NBEA: variants seen among roughly 807,000 people sequenced by gnomAD.
The protein encoded by NBEA is lysosomal-trafficking regulator 2.
Under a neutral mutation model 343.4 loss-of-function variants are expected in NBEA, and 44 were observed. The ratio of observed to expected loss-of-function variants is 0.13; its 90% confidence interval spans 0.10 to 0.16. NBEA has a LOEUF of 0.16. Ranked by LOEUF, NBEA falls within the 10% of genes least tolerant of loss-of-function variation. NBEA has a pLI of 1.00. For synonymous variants in NBEA, 1,175 were observed against 1,238.7 expected (o/e 0.95, Z 1.08); for missense variants, 2,555 against 3,631.3 (o/e 0.70, Z 7.62).
At chr13:35,199,868 G>T (rs1456093252) in intron 31 of NBEA, among the ~76,000 whole-genome samples, 2 of 151,880 alleles carry the variant, frequency 1.3e-5, no homozygotes, top group Non-Finnish European at 2.9e-5. Flanking sequence ...TACATATAAG[G>T]AAAGTACTGA....
At chr13:35,257,036 C>A (rs974093863) in intron 34 of NBEA, among the ~76,000 whole-genome samples, 1 of 152,192 alleles carries the variant, frequency 6.6e-6, no homozygotes, top group Non-Finnish European at 1.5e-5. Context: ...ATGCCTCCCC[C>A]ACTGCAGTTG....
chr13:35,177,056 C>G lies in NBEA; in HGVS notation c.4615C>G (p.Gln1539Glu). The change falls in exon 28 of 59, where the codon CAG becomes GAG. Residue 1539 changes from glutamine to glutamate, a missense_variant. Physicochemically the swap from Gln to Glu is conservative, Grantham distance 29. Coordinates refer to ENST00000379939, the MANE Select transcript of NBEA (RefSeq NM_001385012.1). The stretch of plus-strand genomic sequence containing the variant: ...TATTAAGGATCCGGATAGACTTCTT[C>G]AGGATGTTGATATCAATCGCCTTCG... ...SPIKDPDRLL[Q>E]DVDINRLRAV... The G allele has an allele frequency of 6.2e-7, 1 of 1,605,924 alleles. No homozygotes were observed. The highest frequency in any genetic ancestry group is 8.5e-7 in the Non-Finnish European group (1 of 1,175,492).
chr13:35,579,602 G>A lies in NBEA; in HGVS notation c.7036-4296G>A, dbSNP rs184829163. Reference sequence around the variant, plus strand: ...AGAATGTTTCAAGGTACAATCTAAGGTATTGCATCTAAACAGTTGTTTTAA... The same window carrying A: ...AGAATGTTTCAAGGTACAATCTAAGATATTGCATCTAAACAGTTGTTTTAA... On this transcript the variant is annotated intron_variant, in intron 45 of 58. Coordinates refer to ENST00000379939, the MANE Select transcript of NBEA (RefSeq NM_001385012.1). Among the ~76,000 whole-genome samples the A allele has an allele frequency of 4.6e-3, 704 of 152,096 alleles. 6 individuals carry two copies. The highest frequency in any genetic ancestry group is 8.5e-3 in the Admixed American group (130 of 15,268).
intron 38 of NBEA, among the ~76,000 whole-genome samples, chr13:35,413,985 G>A (rs147240634): frequency 6.6e-6 from 1 of 152,122 alleles, no homozygotes; most frequent in Non-Finnish European, 1.5e-5. Flanking sequence ...GGTGTAGCAT[G>A]AGTACCCATG....
At chr13:35,398,805 T>G (rs1319491704) in intron 38 of NBEA, among the ~76,000 whole-genome samples, 1 of 152,206 alleles carries the variant, frequency 6.6e-6, no homozygotes, top group South Asian at 2.1e-4. Flanking sequence ...GAGCTTTGGC[T>G]TCAACTTCAA....
chr13:35,278,184 A>T (rs772574138), intron 34 of NBEA, among the ~76,000 whole-genome samples: 3 of 149,792 alleles, frequency 2.0e-5, no homozygotes, highest in Admixed American at 6.7e-5. Context: ...ACAGTAGTGT[A>T]CAACAAGCAT....
At chr13:35,470,890 T>C (rs1013805867) in intron 40 of NBEA, among the ~76,000 whole-genome samples, 6 of 152,168 alleles carry the variant, frequency 3.9e-5, no homozygotes, top group Middle Eastern at 3.2e-3. Flanking sequence ...TAGATTAAGA[T>C]TGATGATCCT....
chr13:35,322,023 C>T (rs1594210185), intron 36 of NBEA, among the ~76,000 whole-genome samples: 1 of 152,188 alleles, frequency 6.6e-6, no homozygotes, highest in East Asian at 1.9e-4. Context: ...TGGATCTTAG[C>T]TTGCTGAGCT....
At chr13:35,053,409 C>A (rs1415290849) in intron 6 of NBEA, among the ~76,000 whole-genome samples, 2 of 152,058 alleles carry the variant, frequency 1.3e-5, no homozygotes, top group Non-Finnish European at 2.9e-5. Flanking sequence ...TTTCATCCTT[C>A]AAGCTTAGTC....
intron 1 of NBEA, among the ~76,000 whole-genome samples, chr13:34,974,245 ATTTAC>A (rs2060092879): frequency 6.6e-6 from 1 of 151,970 alleles, no homozygotes; most frequent in East Asian, 1.9e-4. Flanking sequence ...AAGGTACTGT[ATTTAC>A]TTGCCCCTTT....
intron 45 of NBEA, among the ~76,000 whole-genome samples, chr13:35,569,175 C>T (rs948129639): frequency 6.6e-6 from 1 of 152,138 alleles, no homozygotes; most frequent in Non-Finnish European, 1.5e-5. Flanking sequence ...CTACTACATA[C>T]ATATTGGATG....
chr13:35,425,923 A>C (rs540028835), intron 38 of NBEA, among the ~76,000 whole-genome samples: 1 of 151,856 alleles, frequency 6.6e-6, no homozygotes, highest in African/African-American at 2.4e-5. Flanking sequence ...GTCTCTTTTG[A>C]TCTTTGTTGG....
At chr13:35,568,068 A>G (rs1346819649) in intron 45 of NBEA, among the ~76,000 whole-genome samples, 2 of 152,218 alleles carry the variant, frequency 1.3e-5, no homozygotes, top group Non-Finnish European at 2.9e-5. Context: ...GTACAGATCT[A>G]ATGACATGTA....
chr13:35,130,940 A>G (rs2067389283), intron 17 of NBEA, among the ~76,000 whole-genome samples: 1 of 152,096 alleles, frequency 6.6e-6, no homozygotes, highest in Non-Finnish European at 1.5e-5. Context: ...AATATTTAAA[A>G]TTATGTATAT....
chr13:35,367,332 T>G (rs2183211), intron 38 of NBEA, among the ~76,000 whole-genome samples: 149,794 of 151,248 alleles, frequency 0.99, 74,194 homozygotes, highest in East Asian at 1. Context: ...TAATTTAATC[T>G]TAGACCATTA....
intron 1 of NBEA, among the ~76,000 whole-genome samples, chr13:34,994,606 C>T (rs138243407): frequency 4.6e-5 from 7 of 152,192 alleles, no homozygotes; most frequent in African/African-American, 1.7e-4. Flanking sequence ...TTTTTTAAAT[C>T]TCCTGAATAT....
chr13:35,602,944 C>T lies in NBEA; in HGVS notation c.7297-3482C>T, dbSNP rs913575286. ...AAATGAAAATGAAATTAGTCTTCTG[C>T]CACTTTTGCAGTTTGAGAACAATTC... On this transcript the variant is annotated intron_variant, in intron 47 of 58. Coordinates refer to ENST00000379939, the MANE Select transcript of NBEA (RefSeq NM_001385012.1). 2.0e-5 allele frequency among the ~76,000 whole-genome samples: 3 copies of T among 152,156 alleles called. No homozygotes were observed. In the East Asian group the frequency reaches 5.8e-4, roughly 29 times the overall value.
intron 39 of NBEA, 93 bp from the exon 40 acceptor site, chr13:35,451,999 T>A (rs2046336494): frequency 1.2e-6 from 1 of 866,850 alleles, no homozygotes; most frequent in African/African-American, 1.7e-5. Flanking sequence ...AAATGCAGCA[T>A]ATAATTTAAT....
chr13:35,011,434 A>G (rs761864478), intron 1 of NBEA, among the ~76,000 whole-genome samples: 3 of 152,218 alleles, frequency 2.0e-5, no homozygotes, highest in Non-Finnish European at 4.4e-5. Flanking sequence ...CTTGAATACT[A>G]TAATATACAA....
Sources: gnomAD v4.1 joint callset for allele counts (sites outside exome capture counted in the v4.1 genomes callset) on GRCh38, gnomAD v4.1.1 for gene constraint, MANE v1.5 for transcripts, NCBI Gene and HGNC (gene_info 2026-07-23, HGNC 2026-07-21) for gene names.